The following DYSF variants were observed in gnomAD, a reference collection of about 807,000 sequenced individuals.
DYSF encodes the protein dysferlin, also known as dystrophy-associated fer-1-like 1.
DYSF carries 212 observed loss-of-function variants against 274.9 expected under a neutral mutation model. That is an observed-to-expected ratio of 0.77 (90% CI 0.69 to 0.86). The LOEUF (loss-of-function observed/expected upper bound fraction) is 0.86, where lower values mean the gene tolerates loss of function less well. Ranked by LOEUF, DYSF falls within the 40% of genes least tolerant of loss-of-function variation. DYSF has a pLI of 0.00. For missense variants in DYSF, 2,666 were observed against 2,783.2 expected (o/e 0.96, Z 0.95); for synonymous variants, 1,091 against 1,078.7 (o/e 1.01, Z -0.22).
upstream of DYSF, among the ~76,000 whole-genome samples, chr2:71,463,787 C>T (rs2081384117): frequency 1.3e-5 from 2 of 152,194 alleles, no homozygotes; most frequent in Admixed American, 6.5e-5. Flanking sequence ...CAACTTAGGA[C>T]ACATACCTCT....
In DYSF at chr2:71,602,503, G is replaced by A. The variant is rs4852812; in HGVS notation, c.3928-273G>A. Among the ~76,000 whole-genome samples the A allele has an allele frequency of 0.022, 3,337 of 152,176 alleles. 92 individuals are homozygous for A. Among genetic ancestry groups the A allele is most frequent in the African/African-American group, 0.065 (2,694 of 41,500 alleles). The stretch of plus-strand genomic sequence containing the variant: ...TTTGTTGCTTCCAGAGATTCCTGGC[G>A]TCCAGGCTTATGCTTTAGCCTTTCC... On this transcript the variant is annotated intron_variant, in intron 35 of 55. Transcript: ENST00000410020.
intron 1 of DYSF, among the ~76,000 whole-genome samples, chr2:71,473,242 G>A (rs2082162758): frequency 6.6e-6 from 1 of 152,198 alleles, no homozygotes; most frequent in African/African-American, 2.4e-5. Context: ...TGTACCAAGA[G>A]GTAATACAGG....
chr2:71,588,770 TTGAG>T (rs1319050672), intron 30 of DYSF: 1 of 152,248 alleles, frequency 6.6e-6, no homozygotes, highest in Non-Finnish European at 1.5e-5. Context: ...ATGGAGAAAT[TTGAG>T]TGAGTGCAGA....
intron 3 of DYSF, among the ~76,000 whole-genome samples, chr2:71,492,698 TC>T (rs35861056): frequency 0.38 from 44,019 of 116,136 alleles, 7,974 homozygotes; most frequent in South Asian, 0.42. Flanking sequence ...TCTCCCTTCC[TC>T]CCCCCCCCCC....
chr2:71,510,982 C>T (rs574996443), intron 4 of DYSF, among the ~76,000 whole-genome samples: 8 of 152,306 alleles, frequency 5.3e-5, no homozygotes, highest in South Asian at 4.1e-4. Flanking sequence ...TTAGAGTATC[C>T]GTTGCACTAA....
intron 45 of DYSF, among the ~76,000 whole-genome samples, chr2:71,662,918 A>G (rs2094917271): frequency 4.0e-5 from 1 of 24,764 alleles, no homozygotes; most frequent in Non-Finnish European, 1.4e-4. Context: ...GTGTGTGTAT[A>G]TGTGTGCACG....
chr2:71,620,737 G>T lies in DYSF; in HGVS notation c.4527+128G>T, dbSNP rs2094076575. The stretch of plus-strand genomic sequence containing the variant: ...GGAGGTATTTCCTGAGCCCTAGCAG[G>T]GAAGTCACCTATCTTTGCCTCACTG... On this transcript the variant is annotated intron_variant, in intron 41 of 55. Transcript: ENST00000410020. The T allele has an allele frequency of 4.1e-6, 4 of 985,804 alleles. 1 individual carries two copies. Among genetic ancestry groups the T allele is most frequent in the South Asian group, 1.6e-5 (1 of 62,868 alleles). The allele number at this position is 985,804 out of a possible 1,614,324, so 61.1% of individuals were successfully genotyped here.
At position 71,517,054 on chromosome 2, in the gene DYSF, T is replaced by C. The variant is rs529992457; in HGVS notation, c.1002+15T>C. On this transcript the variant is annotated intron_variant, in intron 10 of 55. Transcript: ENST00000410020. ...GGGAGTTCCGGGTAATTGCTTATTT[T>C]CTATGAAAGCAGTCAGTTCTCACTT... is the stretch of plus-strand genomic sequence containing the variant. 7 of 1,613,562 alleles carry C rather than the reference T, an allele frequency of 4.3e-6. No individual in the cohort carries two copies. The East Asian group carries it at 1.1e-4, about 26-fold the overall frequency.
Position 71,686,545 on chromosome 2 carries a change from G to A in DYSF, c.*53G>A, listed in dbSNP as rs114777968. On this transcript the variant is annotated 3_prime_UTR_variant, in exon 56 of 56. Transcript: ENST00000410020. ...GTGGGGTCCCCTCCAGCATGGGACT[G>A]GCCTGCCTCCTCCGCCCAGCTCGGC... 0.01 allele frequency: 16,557 copies of A among 1,607,226 alleles called. 153 individuals are homozygous for A. Among genetic ancestry groups the A allele is most frequent in the African/African-American group, 0.037 (2,803 of 74,910 alleles).
At chr2:71,652,818 CACAA>C (rs1293104653) in intron 42 of DYSF, among the ~76,000 whole-genome samples, 2 of 152,230 alleles carry the variant, frequency 1.3e-5, no homozygotes, top group South Asian at 2.1e-4. Context: ...GAGAAGAGAT[CACAA>C]ACAAACAAAA....
chr2:71,631,939 G>A (rs377142352), intron 41 of DYSF, among the ~76,000 whole-genome samples: 2 of 152,012 alleles, frequency 1.3e-5, no homozygotes, highest in African/African-American at 2.4e-5. Flanking sequence ...TCCACCATCC[G>A]GCGCTCCTTG....
chr2:71,669,855 C>T, intron 51 of DYSF, 109 bp downstream of exon 51: 1 of 1,480,824 alleles, frequency 6.8e-7, no homozygotes. Context: ...ACTGCTGCCC[C>T]ACCATGTTGG....
chr2:71,599,226 G>A (rs2093484130), intron 33 of DYSF, among the ~76,000 whole-genome samples: 1 of 152,162 alleles, frequency 6.6e-6, no homozygotes, highest in Non-Finnish European at 1.5e-5. Flanking sequence ...CACAGGCAGG[G>A]CCTCTTACCA....
At chr2:71,546,540 G>C (rs1305966927) in intron 17 of DYSF, among the ~76,000 whole-genome samples, 1 of 152,246 alleles carries the variant, frequency 6.6e-6, no homozygotes, top group Non-Finnish European at 1.5e-5. Context: ...GAAGTATTAA[G>C]TAAGAATTTT....
At chr2:71,665,058 G>C in intron 46 of DYSF, 104 bp from the exon 47 acceptor site, 1 of 1,573,226 alleles carries the variant, frequency 6.4e-7, no homozygotes, top group Non-Finnish European at 8.7e-7. Flanking sequence ...TAAAAGCAAG[G>C]AGTGGGCAAT....
At chr2:71,517,066 G>C (rs2086734202) in intron 10 of DYSF, 27 bp downstream of exon 10, 2 of 1,611,022 alleles carry the variant, frequency 1.2e-6, no homozygotes, top group African/African-American at 2.7e-5. Context: ...TATGAAAGCA[G>C]TCAGTTCTCA....
intron 42 of DYSF, among the ~76,000 whole-genome samples, chr2:71,649,740 A>G (rs974350057): frequency 6.6e-6 from 1 of 152,256 alleles, no homozygotes; most frequent in Admixed American, 6.5e-5. Context: ...ACATGACTAT[A>G]TAATTAAACA....
At chr2:71,530,389 C>G (rs1443089588) in intron 14 of DYSF, among the ~76,000 whole-genome samples, 1 of 152,158 alleles carries the variant, frequency 6.6e-6, no homozygotes, top group Non-Finnish European at 1.5e-5. Context: ...CTCAGAGCTC[C>G]GGGGCTCCGG....
At chr2:71,620,044 T>C (rs777994643) in intron 40 of DYSF, among the ~76,000 whole-genome samples, 10 of 152,206 alleles carry the variant, frequency 6.6e-5, no homozygotes, top group Non-Finnish European at 1.2e-4. Context: ...GGAAGACATA[T>C]GATGCCCTGG....
Sources: allele counts gnomAD v4.1 joint callset (sites outside exome capture counted in the v4.1 genomes callset), GRCh38; gene constraint gnomAD v4.1.1; transcripts MANE v1.5; gene names NCBI Gene and HGNC (gene_info 2026-07-23, HGNC 2026-07-21).